The following TPCN2 variants were observed in gnomAD, a reference collection of about 807,000 sequenced individuals.
The protein encoded by TPCN2 is two pore channel protein 2.
A neutral mutation model predicts 111.4 loss-of-function variants in TPCN2; 92 were observed. The observed-to-expected ratio is 0.83, with a 90% CI of 0.70 to 0.98. The LOEUF (loss-of-function observed/expected upper bound fraction) is 0.98, where lower values mean the gene tolerates loss of function less well. Among genes scored for constraint, TPCN2 ranks in the 50% least tolerant of loss-of-function variants. TPCN2 has a pLI of 0.00. For missense variants in TPCN2, 995 were observed against 980.1 expected (o/e 1.02, Z -0.20); for synonymous variants, 405 against 414.5 (o/e 0.98, Z 0.28).
chr11:69,060,555 G>T (rs1166380667), intron 5 of TPCN2, among the ~76,000 whole-genome samples: 1 of 152,208 alleles, frequency 6.6e-6, no homozygotes. Flanking sequence ...CCTTGGGTCT[G>T]AGGGTCCCAG....
intron 16 of TPCN2, chr11:69,079,536 T>G: frequency 2.8e-6 from 1 of 359,606 alleles, no homozygotes. Flanking sequence ...CCTCGGCACA[T>G]AGGTGAAGAG....
intron 13 of TPCN2, among the ~76,000 whole-genome samples, chr11:69,077,012 ACCTGCCCT>A (rs1488244980): frequency 0.023 from 1,000 of 42,786 alleles, no homozygotes; most frequent in Middle Eastern, 0.069. Context: ...ACGTCCCTCC[ACCTGCCCT>A]CCTGCCCTCC....
At chr11:69,085,805 T>C (rs531591147) in intron 21 of TPCN2, 43 bp from the exon 22 acceptor site, 2 of 1,612,808 alleles carry the variant, frequency 1.2e-6, no homozygotes, top group East Asian at 4.5e-5. Flanking sequence ...CTCCCCTCCC[T>C]ACCTCCTGGG....
At chr11:69,072,303 T>C (rs1404742117) in intron 11 of TPCN2, among the ~76,000 whole-genome samples, 2 of 152,208 alleles carry the variant, frequency 1.3e-5, no homozygotes, top group African/African-American at 4.8e-5. Flanking sequence ...TCTACCCTTC[T>C]GTGCTGACTT....
intron 20 of TPCN2, 46 bp from the exon 21 acceptor site, chr11:69,085,625 G>A: frequency 4.6e-6 from 6 of 1,314,542 alleles, no homozygotes; most frequent in Admixed American, 1.7e-5. Context: ...TCAGGCCTCA[G>A]AACCTGGAGC....
chr11:69,071,880 G>A (rs747867222), intron 10 of TPCN2, 43 bp from the exon 11 acceptor site: 2 of 1,574,852 alleles, frequency 1.3e-6, no homozygotes, highest in East Asian at 4.5e-5. Context: ...GTTCTGAGCT[G>A]GGGGAGGGCT....
intron 17 of TPCN2, among the ~76,000 whole-genome samples, 181 bp downstream of exon 17, chr11:69,080,064 G>A (rs1051398488): frequency 2.6e-5 from 4 of 152,348 alleles, no homozygotes; most frequent in South Asian, 4.1e-4. Flanking sequence ...GGGCCCTGCC[G>A]TCGCTCTGGG....
chr11:69,059,737 C>T (rs912737523), intron 5 of TPCN2, among the ~76,000 whole-genome samples: 6 of 152,206 alleles, frequency 3.9e-5, no homozygotes, highest in Non-Finnish European at 5.9e-5. Flanking sequence ...CTGGGAGAGG[C>T]GTTGGAGGCA....
intron 7 of TPCN2, among the ~76,000 whole-genome samples, chr11:69,064,985 CTGTG>C (rs1054766674): frequency 5.3e-5 from 6 of 112,468 alleles, no homozygotes; most frequent in African/African-American, 1.6e-4. Flanking sequence ...GTCTGTATGT[CTGTG>C]TGCGTGTGTG....
intron 10 of TPCN2, among the ~76,000 whole-genome samples, chr11:69,071,709 C>T (rs1855543126): frequency 6.6e-6 from 1 of 152,194 alleles, no homozygotes; most frequent in South Asian, 2.1e-4. Flanking sequence ...GCGCAGCACG[C>T]CCGTCAGACT....
At chr11:69,065,512 A>G (rs1470121165) in intron 7 of TPCN2, among the ~76,000 whole-genome samples, 1 of 152,152 alleles carries the variant, frequency 6.6e-6, no homozygotes, top group African/African-American at 2.4e-5. Flanking sequence ...TCTTGGCAGG[A>G]GTCTGGATCC....
Position 69,070,500 on chromosome 11 carries a change from G to C in TPCN2, c.895+5G>C, listed in dbSNP as rs778255275. On this transcript the variant is annotated splice_donor_5th_base_variant and intron_variant, in intron 9 of 24. Transcript: ENST00000294309. ...TCATAGTCTTCACTGTGATAGGTGA[G>C]TGCAGGTAACGTGGCCAGCATTTTG... 3 of 1,599,706 alleles carry C rather than the reference G, an allele frequency of 1.9e-6. No homozygotes were observed. The Admixed American group carries it at 5.2e-5, about 28-fold the overall frequency.
At chr11:69,084,479 G>A (rs917091389) in intron 19 of TPCN2, among the ~76,000 whole-genome samples, 5 of 152,210 alleles carry the variant, frequency 3.3e-5, no homozygotes, top group African/African-American at 1.2e-4. Flanking sequence ...ACTGTGGGAC[G>A]CCCCGGCCCC....
chr11:69,049,422 C>T (rs1329143060), intron 1 of TPCN2, among the ~76,000 whole-genome samples: 2 of 152,222 alleles, frequency 1.3e-5, no homozygotes, highest in Non-Finnish European at 2.9e-5. Flanking sequence ...CGGCAGGCAC[C>T]CTCCGTGTGC....
At position 69,078,890 on chromosome 11, in the gene TPCN2, A is replaced by G; in HGVS notation, c.1411-2A>G. The stretch of plus-strand genomic sequence containing the variant: ...GCTGGGTGCCTCTTCTGCCCCTTTC[A>G]GATTCTCAACTGCGTCTTCATTGTG... On this transcript the variant is annotated splice_acceptor_variant, in intron 15 of 24. Transcript: ENST00000294309. LOFTEE classifies it high-confidence loss of function. The G allele has an allele frequency of 6.2e-7, 1 of 1,613,946 alleles. No homozygotes were observed. Among genetic ancestry groups the G allele is most frequent in the Non-Finnish European group, 8.5e-7 (1 of 1,179,948 alleles).
chr11:69,087,510 A>C (rs3018680), intron 24 of TPCN2, among the ~76,000 whole-genome samples: 152,014 of 152,254 alleles, frequency 1, 75,888 homozygotes, highest in Middle Eastern at 1. Context: ...CCTGAGGAAA[A>C]CGCACCCATC....
At chr11:69,084,440 G>A (rs1041662666) in intron 19 of TPCN2, among the ~76,000 whole-genome samples, 21 of 152,180 alleles carry the variant, frequency 1.4e-4, no homozygotes, top group Admixed American at 1.4e-3. Context: ...GGAATTTCAG[G>A]GACTCACAGC....
intron 23 of TPCN2, 32 bp downstream of exon 23, chr11:69,086,636 A>C: frequency 3.1e-6 from 5 of 1,603,622 alleles, no homozygotes; most frequent in Non-Finnish European, 4.3e-6. Flanking sequence ...GCTGTTCTCC[A>C]TGGTCGTTTG....
At chr11:69,078,320 A>G (rs962543653) in intron 13 of TPCN2, among the ~76,000 whole-genome samples, 162 bp from the exon 14 acceptor site, 13 of 152,144 alleles carry the variant, frequency 8.5e-5, no homozygotes, top group African/African-American at 3.1e-4. Context: ...TTGTGTATAA[A>G]GCGATTTCTG....
Sources: allele counts gnomAD v4.1 joint callset (sites outside exome capture counted in the v4.1 genomes callset), GRCh38; gene constraint gnomAD v4.1.1; transcripts MANE v1.5; gene names NCBI Gene and HGNC (gene_info 2026-07-23, HGNC 2026-07-21).